TRIO: variants seen among roughly 807,000 people sequenced by gnomAD.
TRIO encodes trio Rho guanine nucleotide exchange factor, also known as triple functional domain protein.
Under a neutral mutation model 351.9 loss-of-function variants are expected in TRIO, and 58 were observed. The observed-to-expected ratio is 0.16, with a 90% CI of 0.13 to 0.21. TRIO has a LOEUF of 0.21. Among genes scored for constraint, TRIO ranks in the 10% least tolerant of loss-of-function variants. The pLI, the probability that TRIO is intolerant of heterozygous loss-of-function variation, is 1.00. For synonymous variants in TRIO, 1,758 were observed against 1,595.7 expected, an observed-to-expected ratio of 1.10 and a Z score of -2.42; for missense variants, 3,201 against 4,027.8, an observed-to-expected ratio of 0.79 and a Z score of 5.56.
chr5:14,221,390 T>C (rs888747295), intron 1 of TRIO, among the ~76,000 whole-genome samples: 1 of 152,216 alleles, frequency 6.6e-6, no homozygotes, highest in Non-Finnish European at 1.5e-5. Context: ...CCAAGTCTTA[T>C]CATTTACAAA....
At chr5:14,507,303 C>G in intron 56 of TRIO, 43 bp downstream of exon 56, 1 of 1,604,802 alleles carries the variant, frequency 6.2e-7, no homozygotes. Flanking sequence ...CTGAGCACAC[C>G]GGCTTGGCCA....
intron 38 of TRIO, 99 bp downstream of exon 38, chr5:14,471,565 A>T: frequency 4.6e-6 from 7 of 1,511,672 alleles, no homozygotes; most frequent in Non-Finnish European, 6.3e-6. Context: ...AATTACCGAG[A>T]TGAGAAGCTC....
At chr5:14,155,368 C>T (rs1385836540) in intron 1 of TRIO, among the ~76,000 whole-genome samples, 1 of 152,200 alleles carries the variant, frequency 6.6e-6, no homozygotes, top group Non-Finnish European at 1.5e-5. Flanking sequence ...CATGCTCTTA[C>T]ATAGTGATCA....
rs1253881807 is a variant in TRIO at position 14,502,740 on chromosome 5, A to C, written c.8411+83A>C. ...AGAGAGTGCAGGGATAAAGCTAAGC[A>C]GTGTTATCTTGCCAGCAATTGGAAG... On this transcript the variant is annotated intron_variant, in intron 54 of 56. Coordinates refer to ENST00000344204, the MANE Select transcript of TRIO (RefSeq NM_007118.4). 8.2e-6 allele frequency: 11 copies of C among 1,345,630 alleles called. No homozygotes were observed. The Admixed American group carries it at 1.9e-4, about 23-fold the overall frequency. The allele number at this position is 1,345,630 out of a possible 1,614,324, so 83.4% of individuals were successfully genotyped here.
At chr5:14,402,256 G>C (rs577787665) in intron 31 of TRIO, among the ~76,000 whole-genome samples, 1 of 152,290 alleles carries the variant, frequency 6.6e-6, no homozygotes, top group African/African-American at 2.4e-5. Flanking sequence ...GATGCCAAAA[G>C]GTGCTTCCAA....
chr5:14,166,601 C>T (rs987772248), intron 1 of TRIO, among the ~76,000 whole-genome samples: 11 of 152,276 alleles, frequency 7.2e-5, no homozygotes, highest in African/African-American at 2.2e-4. Context: ...CCCTCTGCCC[C>T]GAGTGCTCAG....
At chr5:14,329,496 C>G (rs1258106045) in intron 9 of TRIO, among the ~76,000 whole-genome samples, 1 of 152,192 alleles carries the variant, frequency 6.6e-6, no homozygotes, top group Admixed American at 6.5e-5. Flanking sequence ...TCACCAGTCA[C>G]TGAGTCTCCT....
At chr5:14,496,697 T>A (rs1756917174) in intron 49 of TRIO, among the ~76,000 whole-genome samples, 182 bp from the exon 50 acceptor site, 1 of 152,144 alleles carries the variant, frequency 6.6e-6, no homozygotes. Context: ...AGATTGTTGG[T>A]TTTATCTCCT....
chr5:14,290,625 G>A (rs1189740363), intron 4 of TRIO, 91 bp from the exon 5 acceptor site: 1 of 1,343,436 alleles, frequency 7.4e-7, no homozygotes, highest in Non-Finnish European at 1.0e-6. Context: ...CTTTAACTTT[G>A]AAAACCTGTG....
At chr5:14,330,941 G>T in intron 10 of TRIO, 41 bp downstream of exon 10, 1 of 1,607,550 alleles carries the variant, frequency 6.2e-7, no homozygotes, top group South Asian at 1.1e-5. Context: ...ATAAATACCC[G>T]TGTGGTTGAT....
intron 1 of TRIO, among the ~76,000 whole-genome samples, chr5:14,241,098 AT>A (rs1188068487): frequency 6.6e-6 from 1 of 152,210 alleles, no homozygotes; most frequent in Non-Finnish European, 1.5e-5. Context: ...CAGTGTTAGA[AT>A]TAAGGCTTTT....
chr5:14,374,000 G>C (rs1745345650), intron 18 of TRIO, among the ~76,000 whole-genome samples: 2 of 152,196 alleles, frequency 1.3e-5, no homozygotes, highest in African/African-American at 4.8e-5. Context: ...TGCCCCATGG[G>C]CCTCTCTATA....
intron 1 of TRIO, 149 bp downstream of exon 1, chr5:14,144,031 T>C: frequency 1.9e-6 from 1 of 535,990 alleles, no homozygotes; most frequent in Non-Finnish European, 2.4e-6. Context: ...GACCACTGCT[T>C]CCATGCGCCG....
At chr5:14,406,171 C>G in intron 32 of TRIO, 181 bp downstream of exon 32, 2 of 952,580 alleles carry the variant, frequency 2.1e-6, no homozygotes, top group East Asian at 2.7e-5. Flanking sequence ...ATAAGAGCCT[C>G]TATTGGCTTA....
chr5:14,239,313 GTAGT>G (rs1793986899), intron 1 of TRIO, among the ~76,000 whole-genome samples: 1 of 152,030 alleles, frequency 6.6e-6, no homozygotes, highest in Non-Finnish European at 1.5e-5. Flanking sequence ...TCTTGAAAAT[GTAGT>G]TATTCTTCCT....
At chr5:14,355,842 CAACT>C (rs1743568147) in intron 11 of TRIO, among the ~76,000 whole-genome samples, 2 of 152,138 alleles carry the variant, frequency 1.3e-5, no homozygotes, top group Non-Finnish European at 2.9e-5. Flanking sequence ...ATACTGATGC[CAACT>C]GTGGCTCAGT....
intron 1 of TRIO, among the ~76,000 whole-genome samples, chr5:14,206,466 A>G (rs553682207): frequency 6.6e-6 from 1 of 152,312 alleles, no homozygotes. Flanking sequence ...CATCCTCTGA[A>G]CTCAACTTGT....
chr5:14,357,266 T>C (rs1185913613), intron 11 of TRIO, among the ~76,000 whole-genome samples: 1 of 152,180 alleles, frequency 6.6e-6, no homozygotes. Flanking sequence ...GAGCCGGCTG[T>C]CCCCACTAGA....
chr5:14,447,976 A>G (rs539693564), intron 34 of TRIO, among the ~76,000 whole-genome samples: 51 of 152,224 alleles, frequency 3.4e-4, no homozygotes, highest in Non-Finnish European at 6.5e-4. Context: ...TCAGGACAAT[A>G]ATAAGTACTT....
Sources: allele counts gnomAD v4.1 joint callset (sites outside exome capture counted in the v4.1 genomes callset), GRCh38; gene constraint gnomAD v4.1.1; transcripts MANE v1.5; gene names NCBI Gene and HGNC (gene_info 2026-07-23, HGNC 2026-07-21).